The following PABPC4L variants were observed in gnomAD, a reference collection of about 807,000 sequenced individuals.
PABPC4L encodes the protein poly(A) binding protein cytoplasmic 4 like, also known as polyadenylate-binding protein 4-like.
For synonymous variants in PABPC4L, 169 were observed against 164.1 expected, an observed-to-expected ratio of 1.03 and a Z score of -0.23; for missense variants, 452 against 451.4, an observed-to-expected ratio of 1.00 and a Z score of -0.01.
the PABPC4L span, among the ~76,000 whole-genome samples, chr4:134,147,376 G>A: frequency 6.6e-6 from 1 of 152,028 alleles, no homozygotes; most frequent in Non-Finnish European, 1.5e-5. Context: ...CCTGCATGAT[G>A]TTTAAACTTC....
At chr4:133,980,059 C>T in the PABPC4L span, among the ~76,000 whole-genome samples, 4 of 152,078 alleles carry the variant, frequency 2.6e-5, no homozygotes, top group East Asian at 1.9e-4. Flanking sequence ...TGTTTTACTA[C>T]GTGTTGCCTT....
chr4:134,046,344 A>G, the PABPC4L span, among the ~76,000 whole-genome samples: 1 of 152,058 alleles, frequency 6.6e-6, no homozygotes, highest in Non-Finnish European at 1.5e-5. Flanking sequence ...CCACCCAAAC[A>G]TCTCAGTGTA....
the PABPC4L span, among the ~76,000 whole-genome samples, chr4:134,077,420 T>A: frequency 6.6e-6 from 1 of 152,110 alleles, no homozygotes; most frequent in East Asian, 1.9e-4. Flanking sequence ...ATTCATTCAG[T>A]GCATTAGTGT....
the PABPC4L span, among the ~76,000 whole-genome samples, chr4:134,106,509 C>T: frequency 6.6e-6 from 1 of 150,796 alleles, no homozygotes; most frequent in Non-Finnish European, 1.5e-5. Flanking sequence ...ATCAGAGGAA[C>T]AAAAAGATAA....
At chr4:134,176,127 C>T in the PABPC4L span, among the ~76,000 whole-genome samples, 1 of 152,036 alleles carries the variant, frequency 6.6e-6, no homozygotes, top group Admixed American at 6.6e-5. Flanking sequence ...CTTGCATAAA[C>T]TATTTCTTTA....
the PABPC4L span, among the ~76,000 whole-genome samples, chr4:134,086,139 C>CT: frequency 0.091 from 13,587 of 149,912 alleles, 665 homozygotes; most frequent in South Asian, 0.14. Context: ...GTTCTTTTTT[C>CT]TTTGGCATTT....
chr4:133,972,548 T>A, the PABPC4L span, among the ~76,000 whole-genome samples: 1 of 152,156 alleles, frequency 6.6e-6, no homozygotes, highest in African/African-American at 2.4e-5. Flanking sequence ...AAGATTATTT[T>A]CATGTTTCGT....
chr4:134,021,126 C>CA, the PABPC4L span, among the ~76,000 whole-genome samples: 2 of 151,908 alleles, frequency 1.3e-5, no homozygotes, highest in South Asian at 2.1e-4. Flanking sequence ...TTCTTTCCCA[C>CA]AAAAAAAGCA....
At chr4:134,134,428 G>A in the PABPC4L span, among the ~76,000 whole-genome samples, 1 of 151,830 alleles carries the variant, frequency 6.6e-6, no homozygotes, top group Non-Finnish European at 1.5e-5. Context: ...CAATATAACA[G>A]ACATCAGATA....
chr4:134,072,919 A>G, the PABPC4L span, among the ~76,000 whole-genome samples: 1 of 152,120 alleles, frequency 6.6e-6, no homozygotes, highest in South Asian at 2.1e-4. Context: ...AACTGCCCCC[A>G]TGATTCAATT....
chr4:134,191,426 T>A (rs907730158), downstream of PABPC4L, among the ~76,000 whole-genome samples: 2 of 152,128 alleles, frequency 1.3e-5, no homozygotes, highest in African/African-American at 4.8e-5. Context: ...TTCCTCAGAA[T>A]ATGCCACATG....
chr4:134,173,875 T>C, the PABPC4L span, among the ~76,000 whole-genome samples: 1 of 152,084 alleles, frequency 6.6e-6, no homozygotes, highest in East Asian at 1.9e-4. Context: ...AAATAAAATG[T>C]TTTTATAAAA....
chr4:134,068,063 G>A, the PABPC4L span, among the ~76,000 whole-genome samples: 37 of 152,132 alleles, frequency 2.4e-4, no homozygotes, highest in East Asian at 4.8e-3. Context: ...AGATCAGGTC[G>A]TGAATATGTT....
the PABPC4L span, among the ~76,000 whole-genome samples, chr4:133,974,254 G>T: frequency 1.3e-5 from 2 of 152,054 alleles, no homozygotes; most frequent in Non-Finnish European, 2.9e-5. Flanking sequence ...CAATTTAATG[G>T]AGAATAGTCT....
the PABPC4L span, among the ~76,000 whole-genome samples, chr4:134,094,926 G>A: frequency 6.6e-5 from 10 of 151,562 alleles, no homozygotes; most frequent in African/African-American, 2.4e-4. Flanking sequence ...ACTTGCTAAC[G>A]TGTTTTTTAA....
chr4:133,981,434 A>T, the PABPC4L span, among the ~76,000 whole-genome samples: 1 of 152,128 alleles, frequency 6.6e-6, no homozygotes, highest in Non-Finnish European at 1.5e-5. Context: ...CATTGAAAAC[A>T]ATTCTATTGA....
At chr4:133,960,645 C>T in the PABPC4L span, among the ~76,000 whole-genome samples, 1 of 152,118 alleles carries the variant, frequency 6.6e-6, no homozygotes, top group Admixed American at 6.5e-5. Flanking sequence ...TTTTCTTTTG[C>T]AGCTGGGAGG....
the PABPC4L span, among the ~76,000 whole-genome samples, chr4:134,085,983 C>T: frequency 6.6e-6 from 1 of 152,094 alleles, no homozygotes; most frequent in Non-Finnish European, 1.5e-5. Flanking sequence ...TGAAAAATTT[C>T]TTCCAACTGA....
the PABPC4L span, among the ~76,000 whole-genome samples, chr4:134,083,397 T>C: frequency 4.6e-5 from 7 of 151,840 alleles, no homozygotes; most frequent in African/African-American, 1.7e-4. Flanking sequence ...TCAAAGCAAC[T>C]TGCCAAAAAA....
Sources: allele counts gnomAD v4.1 joint callset (sites outside exome capture counted in the v4.1 genomes callset), GRCh38; gene constraint gnomAD v4.1.1; transcripts MANE v1.5; gene names NCBI Gene and HGNC (gene_info 2026-07-23, HGNC 2026-07-21).